The following MAST4 variants were observed in gnomAD, a reference collection of about 807,000 sequenced individuals.
The protein encoded by MAST4 is microtubule associated serine/threonine kinase family member 4, also known as microtubule-associated serine/threonine-protein kinase 4.
MAST4 carries 89 observed loss-of-function variants against 162.7 expected under a neutral mutation model. The observed-to-expected ratio is 0.55, with a 90% CI of 0.46 to 0.65. The LOEUF (loss-of-function observed/expected upper bound fraction) is 0.65, where lower values mean the gene tolerates loss of function less well. Ranked by LOEUF, MAST4 falls within the 30% of genes least tolerant of loss-of-function variation. MAST4 has a pLI of 0.00. For missense variants in MAST4, 3,153 were observed against 3,374.0 expected, an observed-to-expected ratio of 0.93 and a Z score of 1.62; for synonymous variants, 1,479 against 1,361.1, an observed-to-expected ratio of 1.09 and a Z score of -1.91.
At chr5:66,693,940 A>G (rs1392061300) in intron 1 of MAST4, among the ~76,000 whole-genome samples, 1 of 152,218 alleles carries the variant, frequency 6.6e-6, no homozygotes, top group Non-Finnish European at 1.5e-5. Context: ...GAAGTATGGA[A>G]AAGGCTTAGG....
At chr5:66,831,697 A>C (rs1434028724) in intron 3 of MAST4, among the ~76,000 whole-genome samples, 3 of 152,216 alleles carry the variant, frequency 2.0e-5, no homozygotes, top group African/African-American at 7.2e-5. Flanking sequence ...GACTGTATTC[A>C]TATTTCCAGT....
intron 5 of MAST4, among the ~76,000 whole-genome samples, chr5:67,069,525 G>A (rs557286272): frequency 6.6e-6 from 1 of 152,048 alleles, no homozygotes; most frequent in South Asian, 2.1e-4. Flanking sequence ...AGCTGGTTGG[G>A]CCCAACAGAC....
chr5:67,014,511 C>T (rs946700605), intron 4 of MAST4, among the ~76,000 whole-genome samples: 3 of 152,232 alleles, frequency 2.0e-5, no homozygotes, highest in Admixed American at 1.3e-4. Context: ...TCTGGGGTTA[C>T]GTATTTGAAC....
chr5:66,988,742 G>A (rs909584227), intron 4 of MAST4, among the ~76,000 whole-genome samples: 1 of 152,136 alleles, frequency 6.6e-6, no homozygotes, highest in Non-Finnish European at 1.5e-5. Context: ...TCTCAAGCAC[G>A]AAGAGACATT....
intron 3 of MAST4, chr5:66,828,724 A>G (rs759261177): frequency 5.9e-5 from 87 of 1,467,182 alleles, no homozygotes; most frequent in Middle Eastern, 2.1e-4. Flanking sequence ...CCGGGCTCCA[A>G]TCAGCTAGAG....
chr5:66,857,022 A>C (rs1395390734), intron 3 of MAST4, among the ~76,000 whole-genome samples: 4 of 152,236 alleles, frequency 2.6e-5, no homozygotes, highest in African/African-American at 9.6e-5. Flanking sequence ...AAGAAAACTT[A>C]AAACATAAAG....
chr5:66,750,996 C>T (rs1315293606), intron 1 of MAST4, among the ~76,000 whole-genome samples: 1 of 152,188 alleles, frequency 6.6e-6, no homozygotes, highest in South Asian at 2.1e-4. Flanking sequence ...CCCCTGACCC[C>T]CAAGCAGCCT....
At position 67,166,692 on chromosome 5, in the gene MAST4, G is replaced by A. The variant is rs1352620013; in HGVS notation, c.7513G>A (p.Ala2505Thr). 1 of 1,591,916 alleles carries A rather than the reference G, an allele frequency of 6.3e-7. No homozygotes were observed. Among genetic ancestry groups the A allele is most frequent in the Admixed American group, 1.8e-5 (1 of 56,626 alleles). Residue 2505 changes from alanine to threonine, a missense_variant, in exon 29 of 29, where the codon GCT becomes ACT. This residue lies in a region of MAST4 where 1,644 missense variants were observed against 1,495.0 expected (regional missense o/e 1.10). Transcript: ENST00000403625. ...CCCCAGCAACAGGGACCATAGGAAG[G>A]CTCAGCCTGCCGGGGAGGGCCGAAC... Reference protein sequence around the residue: ...PAPSNRDHRKAQPAGEGRTHM... With the variant: ...PAPSNRDHRKTQPAGEGRTHM...
chr5:66,894,077 C>T (rs1459091163), intron 3 of MAST4, among the ~76,000 whole-genome samples: 2 of 152,172 alleles, frequency 1.3e-5, no homozygotes, highest in African/African-American at 4.8e-5. Flanking sequence ...CACTGCTTCC[C>T]ACTTGCAAAG....
At chr5:67,028,223 A>G (rs963885830) in intron 4 of MAST4, among the ~76,000 whole-genome samples, 3 of 152,142 alleles carry the variant, frequency 2.0e-5, no homozygotes, top group Admixed American at 2.0e-4. Context: ...TGGGTGAGAG[A>G]TCATTGAAAT....
chr5:66,810,073 G>T (rs906528868), intron 3 of MAST4, among the ~76,000 whole-genome samples: 2 of 152,178 alleles, frequency 1.3e-5, no homozygotes, highest in African/African-American at 2.4e-5. Flanking sequence ...CCAGTCCCTG[G>T]GGGGTGGACT....
chr5:67,106,171 C>T (rs1765572863), intron 10 of MAST4, among the ~76,000 whole-genome samples: 1 of 152,020 alleles, frequency 6.6e-6, no homozygotes. Context: ...TAGTCTACTC[C>T]TCCTCCCTCT....
chr5:66,648,409 C>A (rs1746004639), intron 1 of MAST4, among the ~76,000 whole-genome samples: 1 of 152,022 alleles, frequency 6.6e-6, no homozygotes. Context: ...AAACAGGGCG[C>A]CTGTGTTACG....
chr5:67,164,751 G>C lies in MAST4; in HGVS notation c.5572G>C (p.Glu1858Gln), dbSNP rs779548748. 6.2e-7 allele frequency: 1 copy of C among 1,613,994 alleles called. No homozygotes were observed. The highest frequency in any genetic ancestry group is 1.7e-5 in the Admixed American group (1 of 60,028). Residue 1858 changes from glutamate to glutamine, a missense_variant, in exon 29 of 29, where the codon GAG becomes CAG. Physicochemically the swap from Glu to Gln is conservative, Grantham distance 29. This residue lies in a region of MAST4 where 1,644 missense variants were observed against 1,495.0 expected (regional missense o/e 1.10). Transcript: ENST00000403625. The surrounding 1 kb of genome is among the most constrained non-coding windows in gnomAD (Gnocchi z 5.3). ...GKKNDTTSAR[E>Q]LSPSSLKMNK... is the part of the protein sequence containing the mutation. The stretch of plus-strand genomic sequence containing the variant: ...AAAGAACGATACCACCAGTGCAAGA[G>C]AGCTTTCTCCTTCCAGCTTAAAGAT...
intron 4 of MAST4, among the ~76,000 whole-genome samples, chr5:67,033,994 G>A (rs1755703946): frequency 6.6e-6 from 1 of 152,120 alleles, no homozygotes; most frequent in Admixed American, 6.6e-5. Flanking sequence ...CTTCACAGCA[G>A]CTTACTCTTT....
chr5:67,078,908 AT>A lies in MAST4; in HGVS notation c.764-11253del, dbSNP rs1313218114. On this transcript the variant is annotated intron_variant, in intron 5 of 28. Transcript: ENST00000403625. Reference sequence around the variant, plus strand: ...TATTTATATATTTATATATTTTTATATAAATATATATATATATATATATATA... The same window carrying A: ...TATTTATATATTTATATATTTTTATAAAATATATATATATATATATATATA... Among the ~76,000 whole-genome samples, 25 of 8,664 alleles carry A rather than the reference AT, an allele frequency of 2.9e-3. 2 individuals carry two copies. The highest frequency in any genetic ancestry group is 7.3e-3 in the African/African-American group (25 of 3,414). The allele number at this position is 8,664 out of a possible 152,430, so 5.7% of individuals were successfully genotyped here.
chr5:66,692,233 A>T (rs1749089546), intron 1 of MAST4, among the ~76,000 whole-genome samples: 1 of 152,154 alleles, frequency 6.6e-6, no homozygotes, highest in Non-Finnish European at 1.5e-5. Context: ...AAGCATCCCA[A>T]GAGTTATAAG....
intron 3 of MAST4, among the ~76,000 whole-genome samples, chr5:66,797,021 G>C (rs940413493): frequency 6.6e-6 from 1 of 152,170 alleles, no homozygotes. Context: ...TTCCGTGTCT[G>C]AGGAAATGAT....
At chr5:66,844,540 A>G (rs1354103178) in intron 3 of MAST4, among the ~76,000 whole-genome samples, 1 of 152,058 alleles carries the variant, frequency 6.6e-6, no homozygotes, top group Non-Finnish European at 1.5e-5. Flanking sequence ...CACTCACCCA[A>G]CGGATATTTG....
Sources: allele counts gnomAD v4.1 joint callset (sites outside exome capture counted in the v4.1 genomes callset), GRCh38; gene constraint gnomAD v4.1.1; regional missense constraint gnomAD v4.1.1; non-coding constraint Gnocchi (gnomAD v3.1); transcripts MANE v1.5; gene names NCBI Gene and HGNC (gene_info 2026-07-23, HGNC 2026-07-21).